Variants in FRMD4A observed in about 807,000 individuals in gnomAD.
The protein encoded by FRMD4A is FERM domain-containing protein 4A.
Under a neutral mutation model 129.1 loss-of-function variants are expected in FRMD4A, and 29 were observed. The ratio of observed to expected loss-of-function variants is 0.22; its 90% CI spans 0.17 to 0.31. The LOEUF (loss-of-function observed/expected upper bound fraction) is 0.31. FRMD4A is among the 10% of genes least tolerant of loss of function. FRMD4A has a pLI of 1.00. For missense variants in FRMD4A, 1,272 were observed against 1,375.8 expected (o/e 0.92, Z 1.19); for synonymous variants, 634 against 571.6 (o/e 1.11, Z -1.56).
At chr10:13,983,590 G>A (rs892503195) in intron 2 of FRMD4A, among the ~76,000 whole-genome samples, 50 of 152,108 alleles carry the variant, frequency 3.3e-4, no homozygotes, top group Non-Finnish European at 1.3e-4. Context: ...AAGGAAATTG[G>A]TTTGAGGTAT....
intron 12 of FRMD4A, among the ~76,000 whole-genome samples, chr10:13,719,270 C>CGTAG (rs2089179808): frequency 6.6e-6 from 1 of 152,212 alleles, no homozygotes; most frequent in Non-Finnish European, 1.5e-5. Context: ...GCCGAGGAGC[C>CGTAG]GTAGCCCTTC....
chr10:14,248,477 T>A (rs1347437638), intron 2 of FRMD4A, among the ~76,000 whole-genome samples: 2 of 20,528 alleles, frequency 9.7e-5, no homozygotes, highest in Middle Eastern at 0.05. Flanking sequence ...AGTCATTCAA[T>A]TCATTTTTTA....
chr10:14,257,574 T>A (rs1844660387), intron 2 of FRMD4A, among the ~76,000 whole-genome samples: 1 of 152,192 alleles, frequency 6.6e-6, no homozygotes, highest in Non-Finnish European at 1.5e-5. Context: ...AAAAACTGGA[T>A]ATTTGCAGGT....
intron 2 of FRMD4A, among the ~76,000 whole-genome samples, chr10:14,122,561 G>A (rs1017223888): frequency 6.6e-6 from 1 of 151,050 alleles, no homozygotes; most frequent in South Asian, 2.2e-4. Context: ...AATGTGAAGC[G>A]GGGAGCAGGC....
At chr10:14,253,069 A>G (rs991305046) in intron 2 of FRMD4A, among the ~76,000 whole-genome samples, 13 of 152,232 alleles carry the variant, frequency 8.5e-5, no homozygotes, top group Admixed American at 3.9e-4. Context: ...CTTTAAGTCA[A>G]ATAGATTCTT....
chr10:14,255,608 C>T (rs138951221), intron 2 of FRMD4A, among the ~76,000 whole-genome samples: 43 of 152,162 alleles, frequency 2.8e-4, no homozygotes, highest in African/African-American at 8.4e-4. Context: ...TAAGCTATGG[C>T]GGAAGACATA....
At chr10:14,299,789 C>T (rs78678609) in intron 2 of FRMD4A, among the ~76,000 whole-genome samples, 4,126 of 152,164 alleles carry the variant, frequency 0.027, 114 homozygotes, top group Non-Finnish European at 0.031. Flanking sequence ...AATTAAGAGC[C>T]TAGAAGGATT....
At chr10:14,279,177 G>T (rs1418647553) in intron 2 of FRMD4A, among the ~76,000 whole-genome samples, 1 of 140,284 alleles carries the variant, frequency 7.1e-6, no homozygotes, top group Non-Finnish European at 1.6e-5. Flanking sequence ...TGAGGAGGAA[G>T]CGGGATTTTT....
chr10:14,209,022 T>C (rs1409221441), intron 2 of FRMD4A, among the ~76,000 whole-genome samples: 1 of 152,104 alleles, frequency 6.6e-6, no homozygotes, highest in Non-Finnish European at 1.5e-5. Flanking sequence ...ACTGTATACC[T>C]TCCCACCATC....
At chr10:13,705,326 G>C (rs1035197984) in intron 13 of FRMD4A, among the ~76,000 whole-genome samples, 3 of 152,142 alleles carry the variant, frequency 2.0e-5, no homozygotes, top group Admixed American at 1.3e-4. Context: ...CTCACCAATA[G>C]GGCGACAGAC....
At chr10:13,931,196 G>A (rs2698124) in intron 2 of FRMD4A, among the ~76,000 whole-genome samples, 2,459 of 152,180 alleles carry the variant, frequency 0.016, 69 homozygotes, top group African/African-American at 0.057. Context: ...CCACCAATAT[G>A]TTTCCAGGAA....
chr10:14,125,752 T>C (rs1164539815), intron 2 of FRMD4A, among the ~76,000 whole-genome samples: 2 of 133,290 alleles, frequency 1.5e-5, no homozygotes, highest in African/African-American at 2.8e-5. Context: ...TGCACACTCA[T>C]GCGCACGCGC....
chr10:13,693,704 C>A, intron 15 of FRMD4A, 194 bp downstream of exon 15: 1 of 702,970 alleles, frequency 1.4e-6, no homozygotes, highest in Non-Finnish European at 2.4e-6. Context: ...TTTTTTTTCC[C>A]TTCCACTATT....
intron 2 of FRMD4A, among the ~76,000 whole-genome samples, chr10:14,209,138 A>C: frequency 6.7e-6 from 1 of 149,544 alleles, no homozygotes. Flanking sequence ...TGGCCTCATC[A>C]CTCCAATATC....
At chr10:13,854,170 A>G (rs967417842) in intron 3 of FRMD4A, among the ~76,000 whole-genome samples, 3 of 152,186 alleles carry the variant, frequency 2.0e-5, no homozygotes, top group Non-Finnish European at 4.4e-5. Context: ...GGAAATTCTT[A>G]CTTAAATCAT....
At chr10:13,930,175 G>C (rs187684662) in intron 2 of FRMD4A, among the ~76,000 whole-genome samples, 20 of 152,308 alleles carry the variant, frequency 1.3e-4, no homozygotes, top group Admixed American at 1.3e-3. Context: ...TGTATTTGTG[G>C]AGGACTTCCA....
intron 4 of FRMD4A, among the ~76,000 whole-genome samples, chr10:13,797,870 C>T (rs751126639): frequency 6.8e-6 from 1 of 147,032 alleles, no homozygotes; most frequent in African/African-American, 2.5e-5. Flanking sequence ...ACACAAGTGA[C>T]TTCCAACCCC....
At chr10:14,201,969 AAAAC>A (rs537307959) in intron 2 of FRMD4A, among the ~76,000 whole-genome samples, 31 of 152,108 alleles carry the variant, frequency 2.0e-4, no homozygotes, top group African/African-American at 2.9e-4. Flanking sequence ...TCTCTACTGA[AAAAC>A]AAACAAACAA....
intron 2 of FRMD4A, among the ~76,000 whole-genome samples, chr10:14,241,683 TAAAAAA>T (rs71388168): frequency 0.015 from 352 of 23,264 alleles, 5 homozygotes; most frequent in East Asian, 0.031. Flanking sequence ...TTACCCTCCC[TAAAAAA>T]AAAAAAAAAA....
Sources: gnomAD v4.1 joint callset for allele counts (sites outside exome capture counted in the v4.1 genomes callset) on GRCh38, gnomAD v4.1.1 for gene constraint, MANE v1.5 for transcripts, NCBI Gene and HGNC (gene_info 2026-07-23, HGNC 2026-07-21) for gene names.